Variants in ZCCHC4 observed in about 807,000 individuals in gnomAD.
ZCCHC4 encodes zinc finger CCHC-type containing 4, also known as rRNA N(6)-adenosine-methyltransferase ZCCHC4.
In ZCCHC4, 54 loss-of-function variants were observed where a neutral mutation model predicts 67.7. That is an observed-to-expected ratio of 0.80 (90% CI 0.64 to 1.00). The LOEUF is 1.00. Among genes scored for constraint, ZCCHC4 ranks in the 50% least tolerant of loss-of-function variants. ZCCHC4 has a pLI of 0.00. For synonymous variants in ZCCHC4, 198 were observed against 213.5 expected (o/e 0.93, Z 0.63); for missense variants, 609 against 617.0 (o/e 0.99, Z 0.14).
intron 6 of ZCCHC4, among the ~76,000 whole-genome samples, chr4:25,348,063 A>G (rs1264494964): frequency 1.3e-5 from 2 of 152,198 alleles, no homozygotes; most frequent in Non-Finnish European, 2.9e-5. Context: ...ATTTACTTGT[A>G]TAATTTCTTT....
Position 25,364,871 on chromosome 4 carries a change from T to C in ZCCHC4, c.1262-151T>C, listed in dbSNP as rs181798086. 3.1e-5 allele frequency: 32 copies of C among 1,047,218 alleles called. 1 individual carries two copies. In the East Asian group the frequency reaches 3.9e-4, roughly 13 times the overall value. 64.9% of individuals were successfully genotyped at this position (1,047,218 alleles called of 1,614,324 possible). On this transcript the variant is annotated intron_variant, in intron 11 of 12. Transcript: ENST00000302874. ...GTTTATGTGGAATTCCAACCTCTTC[T>C]CCCTGGTCTCTTTAGCCAAACTAAA...
chr4:25,365,887 C>A (rs1720921394), intron 12 of ZCCHC4: 1 of 985,096 alleles, frequency 1.0e-6, no homozygotes, highest in African/African-American at 1.7e-5. Context: ...TTTTTCCTAA[C>A]TAAAAGGGAT....
intron 5 of ZCCHC4, among the ~76,000 whole-genome samples, chr4:25,339,471 G>A (rs985638780): frequency 6.6e-6 from 1 of 152,180 alleles, no homozygotes; most frequent in African/African-American, 2.4e-5. Context: ...TCTTTTTGAA[G>A]TGGTATCTCC....
At chr4:25,354,531 C>T (rs1720436065) in intron 8 of ZCCHC4, among the ~76,000 whole-genome samples, 1 of 152,184 alleles carries the variant, frequency 6.6e-6, no homozygotes, top group African/African-American at 2.4e-5. Flanking sequence ...GCCGTATCTC[C>T]TCATGTATTT....
At chr4:25,320,271 C>T (rs999933995) in intron 3 of ZCCHC4, among the ~76,000 whole-genome samples, 1 of 151,940 alleles carries the variant, frequency 6.6e-6, no homozygotes, top group Non-Finnish European at 1.5e-5. Flanking sequence ...TTATTGTGAC[C>T]TATGAAGACT....
At chr4:25,345,705 C>T (rs1306963899) in intron 6 of ZCCHC4, 85 bp downstream of exon 6, 12 of 874,538 alleles carry the variant, frequency 1.4e-5, no homozygotes, top group Non-Finnish European at 2.0e-5. Flanking sequence ...TTTCTAAATT[C>T]CCTCAAGGTC....
intron 8 of ZCCHC4, among the ~76,000 whole-genome samples, chr4:25,357,031 A>C (rs1303246115): frequency 6.6e-6 from 1 of 152,232 alleles, no homozygotes; most frequent in East Asian, 1.9e-4. Flanking sequence ...AGCCTTAGAA[A>C]GCAATGCAAT....
chr4:25,364,722 G>A (rs1349642583), intron 11 of ZCCHC4, among the ~76,000 whole-genome samples: 1 of 152,168 alleles, frequency 6.6e-6, no homozygotes, highest in African/African-American at 2.4e-5. Context: ...TGTGGCGTTT[G>A]GTTTGACTTA....
At chr4:25,348,266 C>T (rs957799998) in intron 6 of ZCCHC4, among the ~76,000 whole-genome samples, 8 of 152,164 alleles carry the variant, frequency 5.3e-5, no homozygotes, top group African/African-American at 1.9e-4. Flanking sequence ...GAAAGGTTTT[C>T]CTCTTATCAG....
At chr4:25,325,338 G>T (rs1486264294) in intron 3 of ZCCHC4, among the ~76,000 whole-genome samples, 1 of 146,074 alleles carries the variant, frequency 6.8e-6, no homozygotes, top group African/African-American at 2.5e-5. Flanking sequence ...TGCCATCTCG[G>T]CTCACTGCAA....
intron 4 of ZCCHC4, 47 bp from the exon 5 acceptor site, chr4:25,333,861 T>A (rs1187191151): frequency 7.8e-7 from 1 of 1,285,920 alleles, no homozygotes; most frequent in South Asian, 1.4e-5. Context: ...TTATTGTCTA[T>A]GACATTTGTA....
intron 6 of ZCCHC4, among the ~76,000 whole-genome samples, chr4:25,348,666 C>G (rs1351650489): frequency 6.6e-6 from 1 of 152,110 alleles, no homozygotes; most frequent in Non-Finnish European, 1.5e-5. Flanking sequence ...ATGTGCAATA[C>G]TACAACATTT....
At chr4:25,348,412 G>A (rs777045505) in intron 6 of ZCCHC4, among the ~76,000 whole-genome samples, 3 of 151,964 alleles carry the variant, frequency 2.0e-5, no homozygotes, top group Admixed American at 6.6e-5. Flanking sequence ...ACTTATTTTT[G>A]TAGATGAGTA....
At chr4:25,344,742 A>G (rs926749877) in intron 5 of ZCCHC4, among the ~76,000 whole-genome samples, 1 of 151,588 alleles carries the variant, frequency 6.6e-6, no homozygotes, top group East Asian at 1.9e-4. Context: ...TACTTTCTCT[A>G]TTATATTGAA....
intron 8 of ZCCHC4, among the ~76,000 whole-genome samples, chr4:25,360,584 C>T (rs1720691568): frequency 1.3e-5 from 2 of 152,246 alleles, no homozygotes; most frequent in Non-Finnish European, 2.9e-5. Context: ...TCATGGATAA[C>T]AATCCCCCAA....
In ZCCHC4 at chr4:25,312,783, T is replaced by C. The variant is rs182589219; in HGVS notation, c.-27T>C. The C allele has an allele frequency of 5.8e-4, 942 of 1,612,602 alleles. 3 individuals are homozygous for C. The highest frequency in any genetic ancestry group is 3.0e-4 in the Non-Finnish European group (350 of 1,179,764). The stretch of plus-strand genomic sequence containing the variant: ...CTTTCTCAGCATTCTTGTTTCGTAC[T>C]GAGGCTTTCGGGACGGCGGCGGGAA... On this transcript the variant is annotated 5_prime_UTR_variant, in exon 1 of 13. Coordinates refer to ENST00000302874, the MANE Select transcript of ZCCHC4 (RefSeq NM_024936.3).
chr4:25,356,771 A>T (rs550493932), intron 8 of ZCCHC4, among the ~76,000 whole-genome samples: 32 of 152,258 alleles, frequency 2.1e-4, no homozygotes, highest in African/African-American at 7.2e-4. Context: ...AGAGGAGTGC[A>T]TTAGGGGAAA....
At chr4:25,336,775 C>T (rs968313604) in intron 5 of ZCCHC4, among the ~76,000 whole-genome samples, 5 of 152,238 alleles carry the variant, frequency 3.3e-5, no homozygotes, top group African/African-American at 1.2e-4. Flanking sequence ...GTGTGAAACA[C>T]TGTGCCTGGT....
intron 3 of ZCCHC4, among the ~76,000 whole-genome samples, chr4:25,315,968 C>T (rs942708901): frequency 4.6e-5 from 7 of 152,188 alleles, no homozygotes; most frequent in African/African-American, 1.7e-4. Context: ...ATCCGCCCAC[C>T]TCAGCCTCCC....
Sources: allele counts gnomAD v4.1 joint callset (sites outside exome capture counted in the v4.1 genomes callset), GRCh38; gene constraint gnomAD v4.1.1; transcripts MANE v1.5; gene names NCBI Gene and HGNC (gene_info 2026-07-23, HGNC 2026-07-21).